GRID2: variants seen among roughly 807,000 people sequenced by gnomAD.
GRID2 encodes the protein glutamate ionotropic receptor delta type subunit 2, also known as glutamate receptor ionotropic, delta-2.
In GRID2, 33 loss-of-function variants were observed where a neutral mutation model predicts 114.8. That is an observed-to-expected ratio of 0.29 (90% confidence interval 0.22 to 0.38). The LOEUF (loss-of-function observed/expected upper bound fraction) is 0.38, where lower values mean the gene tolerates loss of function less well. Among genes scored for constraint, GRID2 ranks in the 10% least tolerant of loss-of-function variants. GRID2 has a pLI of 1.00. For missense variants in GRID2, 1,184 were observed against 1,257.7 expected (o/e 0.94, Z 0.89); for synonymous variants, 505 against 449.9 (o/e 1.12, Z -1.55).
chr4:92,917,060 T>C (rs1748866927), intron 2 of GRID2, among the ~76,000 whole-genome samples: 1 of 152,214 alleles, frequency 6.6e-6, no homozygotes, highest in African/African-American at 2.4e-5. Context: ...CCATTCTAAC[T>C]GGTGTGAGAT....
At chr4:93,230,540 T>C (rs1746009087) in intron 7 of GRID2, among the ~76,000 whole-genome samples, 1 of 152,166 alleles carries the variant, frequency 6.6e-6, no homozygotes, top group Non-Finnish European at 1.5e-5. Context: ...TGTACAGTTA[T>C]AGAGTAGCAA....
chr4:93,025,630 T>G (rs1560806413), intron 2 of GRID2, among the ~76,000 whole-genome samples: 1 of 151,740 alleles, frequency 6.6e-6, no homozygotes, highest in Non-Finnish European at 1.5e-5. Flanking sequence ...ATTTAAAAAT[T>G]ATACTTTTAA....
intron 14 of GRID2, among the ~76,000 whole-genome samples, chr4:93,765,900 G>C (rs1454196109): frequency 6.6e-6 from 1 of 151,886 alleles, no homozygotes; most frequent in Non-Finnish European, 1.5e-5. Context: ...TTGTACCCAA[G>C]GAAATGTCTG....
chr4:92,376,450 T>G (rs551728857), intron 1 of GRID2, among the ~76,000 whole-genome samples: 6 of 152,280 alleles, frequency 3.9e-5, no homozygotes, highest in Admixed American at 1.3e-4. Context: ...TCCTGGCTGA[T>G]TTCATGGGCT....
At chr4:92,599,041 T>C (rs1729081311) in intron 2 of GRID2, among the ~76,000 whole-genome samples, 1 of 149,430 alleles carries the variant, frequency 6.7e-6, no homozygotes, top group Non-Finnish European at 1.5e-5. Context: ...TTTTTTTTTT[T>C]TTTTTTTTCC....
intron 10 of GRID2, among the ~76,000 whole-genome samples, chr4:93,429,622 G>T (rs1005634605): frequency 6.6e-5 from 10 of 151,936 alleles, no homozygotes; most frequent in Non-Finnish European, 1.0e-4. Context: ...TATATGACAA[G>T]AATTTTACTC....
chr4:92,504,908 A>G (rs1481004758), intron 1 of GRID2, among the ~76,000 whole-genome samples: 1 of 152,050 alleles, frequency 6.6e-6, no homozygotes, highest in African/African-American at 2.4e-5. Context: ...CAATATAAAT[A>G]TTTATACTAG....
At chr4:92,825,258 A>G (rs1741607741) in intron 2 of GRID2, among the ~76,000 whole-genome samples, 1 of 152,140 alleles carries the variant, frequency 6.6e-6, no homozygotes, top group Non-Finnish European at 1.5e-5. Flanking sequence ...GAACTCAAGG[A>G]TGATGAACAG....
At chr4:93,054,326 T>C (rs1237490122) in intron 2 of GRID2, among the ~76,000 whole-genome samples, 1 of 134,432 alleles carries the variant, frequency 7.4e-6, no homozygotes, top group Non-Finnish European at 1.7e-5. Flanking sequence ...TATAGAACTT[T>C]TGGTAGTATT....
At chr4:93,465,710 A>G (rs1350908577) in intron 11 of GRID2, among the ~76,000 whole-genome samples, 1 of 152,210 alleles carries the variant, frequency 6.6e-6, no homozygotes, top group East Asian at 1.9e-4. Context: ...AATATTCATC[A>G]TTAACTTCCA....
intron 1 of GRID2, among the ~76,000 whole-genome samples, chr4:92,463,267 T>C (rs1447932884): frequency 6.6e-6 from 1 of 151,960 alleles, no homozygotes; most frequent in African/African-American, 2.4e-5. Flanking sequence ...GATTTTGCTC[T>C]TATCTATTGG....
At chr4:93,356,639 G>A (rs1232947359) in intron 8 of GRID2, among the ~76,000 whole-genome samples, 3 of 151,702 alleles carry the variant, frequency 2.0e-5, no homozygotes, top group Non-Finnish European at 4.4e-5. Flanking sequence ...TTTATATGTT[G>A]TAGATTCATT....
At chr4:92,395,207 T>C (rs1730433573) in intron 1 of GRID2, among the ~76,000 whole-genome samples, 1 of 151,646 alleles carries the variant, frequency 6.6e-6, no homozygotes, top group Non-Finnish European at 1.5e-5. Flanking sequence ...GGGGATATTT[T>C]TACAATAAAA....
At chr4:92,339,833 A>G (rs1432305015) in intron 1 of GRID2, among the ~76,000 whole-genome samples, 2 of 152,334 alleles carry the variant, frequency 1.3e-5, no homozygotes, top group East Asian at 1.9e-4. Flanking sequence ...TTGCCAAGTT[A>G]TTCTACATGA....
intron 6 of GRID2, among the ~76,000 whole-genome samples, chr4:93,221,795 C>T (rs1424321871): frequency 6.6e-6 from 1 of 152,052 alleles, no homozygotes; most frequent in Non-Finnish European, 1.5e-5. Flanking sequence ...GGAATATTAC[C>T]ACCACTTCTT....
At chr4:92,689,726 T>TG (rs991300166) in intron 2 of GRID2, among the ~76,000 whole-genome samples, 3 of 152,154 alleles carry the variant, frequency 2.0e-5, no homozygotes, top group African/African-American at 7.2e-5. Flanking sequence ...CCAAAAATAT[T>TG]GGGGGTGGTT....
chr4:93,502,381 A>G (rs1464739198), intron 12 of GRID2, among the ~76,000 whole-genome samples: 1 of 152,060 alleles, frequency 6.6e-6, no homozygotes, highest in Non-Finnish European at 1.5e-5. Flanking sequence ...CAACTATACC[A>G]ATGAGATATC....
At chr4:92,405,596 T>A (rs1730988181) in intron 1 of GRID2, among the ~76,000 whole-genome samples, 1 of 152,072 alleles carries the variant, frequency 6.6e-6, no homozygotes, top group Non-Finnish European at 1.5e-5. Context: ...CATACAATAA[T>A]TCATTTTTAT....
Position 93,774,349 on chromosome 4 carries a change from A to G in GRID2, c.*1851A>G, listed in dbSNP as rs1267465630. ...ATTTTAAAACAAAAAAATCTTTACA[A>G]CAAGCTATATAGGGACATACCAGAT... On this transcript the variant is annotated 3_prime_UTR_variant, in exon 16 of 16. Transcript: ENST00000282020. 1 of 152,114 alleles carries G rather than the reference A, an allele frequency of 6.6e-6. No homozygotes were observed. Among genetic ancestry groups the G allele is most frequent in the Non-Finnish European group, 1.5e-5 (1 of 67,974 alleles). The allele number at this position is 152,114 out of a possible 1,614,324, so 9.4% of individuals were successfully genotyped here. A position where few individuals can be genotyped will look rare whatever the true frequency, so the allele number is the denominator to read the frequency against.
Sources: gnomAD v4.1 joint callset for allele counts (sites outside exome capture counted in the v4.1 genomes callset) on GRCh38, gnomAD v4.1.1 for gene constraint, MANE v1.5 for transcripts, NCBI Gene and HGNC (gene_info 2026-07-23, HGNC 2026-07-21) for gene names.